Variants in NDUFAF2 observed in about 807,000 individuals in gnomAD.
The protein encoded by NDUFAF2 is NADH dehydrogenase [ubiquinone] 1 alpha subcomplex assembly factor 2.
In NDUFAF2, 13 loss-of-function variants were observed where a neutral mutation model predicts 22.8. That is an observed-to-expected ratio of 0.57 (90% CI 0.37 to 0.91). The LOEUF (loss-of-function observed/expected upper bound fraction) is 0.91. Ranked by LOEUF, NDUFAF2 falls within the 40% of genes least tolerant of loss-of-function variation. The pLI, the probability that NDUFAF2 is intolerant of heterozygous loss-of-function variation, is 0.01. For missense variants in NDUFAF2, 162 were observed against 195.2 expected, an observed-to-expected ratio of 0.83 and a Z score of 1.01; for synonymous variants, 53 against 64.2, an observed-to-expected ratio of 0.83 and a Z score of 0.84.
chr5:61,021,567 C>A (rs753079965), intron 1 of NDUFAF2, among the ~76,000 whole-genome samples: 1 of 152,164 alleles, frequency 6.6e-6, no homozygotes, highest in African/African-American at 2.4e-5. Flanking sequence ...AGTACATAGA[C>A]ATCTTTAGGA....
chr5:61,132,985 C>T (rs159379), intron 3 of NDUFAF2, among the ~76,000 whole-genome samples: 6,743 of 128,846 alleles, frequency 0.052, 181 homozygotes, highest in South Asian at 0.094. Context: ...ATAATGGTGG[C>T]GGGGGTGGGG....
intron 1 of NDUFAF2, among the ~76,000 whole-genome samples, chr5:61,037,133 CAA>C (rs1751809735): frequency 6.6e-6 from 1 of 152,026 alleles, no homozygotes; most frequent in South Asian, 2.1e-4. Context: ...CCACCAAAAA[CAA>C]AATTTAAAGA....
chr5:61,112,447 C>A (rs1173022684), intron 3 of NDUFAF2, among the ~76,000 whole-genome samples: 1 of 152,008 alleles, frequency 6.6e-6, no homozygotes, highest in African/African-American at 2.4e-5. Context: ...CTTCTGACCT[C>A]GTGATCCGCC....
intron 3 of NDUFAF2, among the ~76,000 whole-genome samples, chr5:61,117,958 G>A (rs957756511): frequency 1.3e-5 from 2 of 152,110 alleles, no homozygotes; most frequent in African/African-American, 4.8e-5. Flanking sequence ...TTCAAATTGG[G>A]ATGCCTATAC....
rs775605330 is a variant in NDUFAF2, at chr5:61,073,128, A to C, written c.131A>C (p.Gln44Pro). ...YIPQYKNWRG[Q>P]TIREKRIVEA... is the part of the protein sequence containing the mutation. The stretch of plus-strand genomic sequence containing the variant: ...ATTAATGACTTTTGTCTTATAGGAC[A>C]AACTATTCGAGAGAAAAGAATTGTA... Residue 44 changes from glutamine to proline, a missense_variant, in exon 2 of 4, where the codon CAA (glutamine) becomes CCA (proline). Gln to Pro is a moderately conservative substitution (Grantham distance 76, BLOSUM62 -1). This residue lies in a region of NDUFAF2 where 94 missense variants were observed against 85.2 expected (regional missense o/e 1.10). Coordinates refer to ENST00000296597, the MANE Select transcript of NDUFAF2 (RefSeq NM_174889.5). The C allele has an allele frequency of 9.0e-5, 144 of 1,606,058 alleles. No homozygotes were observed. The highest frequency in any genetic ancestry group is 2.7e-4 in the Admixed American group (16 of 59,984).
chr5:61,007,010 A>G (rs1751375778), intron 1 of NDUFAF2, among the ~76,000 whole-genome samples: 1 of 152,054 alleles, frequency 6.6e-6, no homozygotes, highest in Non-Finnish European at 1.5e-5. Context: ...TAGATTCCGG[A>G]TATTAGCCCT....
At chr5:61,057,986 G>A (rs1752119448) in intron 1 of NDUFAF2, among the ~76,000 whole-genome samples, 1 of 152,072 alleles carries the variant, frequency 6.6e-6, no homozygotes, top group African/African-American at 2.4e-5. Flanking sequence ...ACCACAAAAT[G>A]CAATCTGTTT....
At position 60,953,889 on chromosome 5, in the gene NDUFAF2, G is replaced by A. The variant is rs570105789; in HGVS notation, c.127+8507G>A. ...GTAAAGCTTTTTTTCAAATTTAGTC[G>A]GTATAAAATTATTTGAGATAGTCAC... is the stretch of plus-strand genomic sequence containing the variant. On this transcript the variant is annotated intron_variant, in intron 1 of 3. Coordinates refer to ENST00000296597, the MANE Select transcript of NDUFAF2 (RefSeq NM_174889.5). Among the ~76,000 whole-genome samples, 4 of 151,952 alleles carry A rather than the reference G, an allele frequency of 2.6e-5. No individual in the cohort carries two copies. In the South Asian group the frequency reaches 6.2e-4, roughly 24 times the overall value.
chr5:61,047,099 G>C (rs1391848881), intron 1 of NDUFAF2, among the ~76,000 whole-genome samples: 1 of 152,052 alleles, frequency 6.6e-6, no homozygotes, highest in Admixed American at 6.6e-5. Flanking sequence ...CAGCACAATG[G>C]CTAGGTCTTA....
chr5:61,052,500 TG>T (rs924573324), intron 1 of NDUFAF2, among the ~76,000 whole-genome samples: 1 of 151,952 alleles, frequency 6.6e-6, no homozygotes, highest in African/African-American at 2.4e-5. Context: ...TTAGTAGAGA[TG>T]GGGTTTCACC....
intron 1 of NDUFAF2, among the ~76,000 whole-genome samples, chr5:61,056,616 G>T (rs977432914): frequency 2.0e-5 from 3 of 151,732 alleles, no homozygotes; most frequent in African/African-American, 4.8e-5. Flanking sequence ...GGCTGGGCAC[G>T]GTGGCCCACA....
At chr5:60,972,296 A>G (rs574735793) in intron 1 of NDUFAF2, among the ~76,000 whole-genome samples, 57 of 148,600 alleles carry the variant, frequency 3.8e-4, no homozygotes, top group African/African-American at 1.4e-3. Context: ...CTGTGTCCCC[A>G]CTCAAATCTC....
intron 2 of NDUFAF2, among the ~76,000 whole-genome samples, chr5:61,090,871 G>A (rs1371539344): frequency 6.6e-6 from 1 of 151,944 alleles, no homozygotes; most frequent in Non-Finnish European, 1.5e-5. Context: ...TTCAGTGTGT[G>A]TTGTTCCTCT....
chr5:60,956,166 G>T (rs1052351597), intron 1 of NDUFAF2, among the ~76,000 whole-genome samples: 7 of 152,086 alleles, frequency 4.6e-5, no homozygotes, highest in African/African-American at 1.7e-4. Context: ...CTCCCAAAGT[G>T]TTGGGATTAT....
At chr5:61,064,749 T>G (rs1752208020) in intron 1 of NDUFAF2, among the ~76,000 whole-genome samples, 1 of 152,002 alleles carries the variant, frequency 6.6e-6, no homozygotes, top group South Asian at 2.1e-4. Flanking sequence ...AGAGGGACAT[T>G]ATAGCAATTA....
At chr5:61,034,397 C>T (rs1245364576) in intron 1 of NDUFAF2, among the ~76,000 whole-genome samples, 1 of 152,062 alleles carries the variant, frequency 6.6e-6, no homozygotes. Context: ...CCCTGTACAA[C>T]GTGATACTGT....
At chr5:61,069,347 G>C (rs1752267718) in intron 1 of NDUFAF2, among the ~76,000 whole-genome samples, 1 of 152,116 alleles carries the variant, frequency 6.6e-6, no homozygotes, top group African/African-American at 2.4e-5. Flanking sequence ...GGCTGGGCCT[G>C]TCTCTACAAC....
chr5:61,035,923 A>C (rs1751794893), intron 1 of NDUFAF2, among the ~76,000 whole-genome samples: 1 of 152,196 alleles, frequency 6.6e-6, no homozygotes, highest in Non-Finnish European at 1.5e-5. Context: ...TTAAAATGTT[A>C]AATTGTTATA....
chr5:60,948,159 C>T (rs568257981), intron 1 of NDUFAF2, among the ~76,000 whole-genome samples: 1 of 152,238 alleles, frequency 6.6e-6, no homozygotes, highest in South Asian at 2.1e-4. Context: ...CATGGATAGG[C>T]ACTCATCTGA....
Sources: allele counts gnomAD v4.1 joint callset (sites outside exome capture counted in the v4.1 genomes callset), GRCh38; gene constraint gnomAD v4.1.1; regional missense constraint gnomAD v4.1.1; transcripts MANE v1.5; gene names NCBI Gene and HGNC (gene_info 2026-07-23, HGNC 2026-07-21).